ST6GALNAC3: variants seen among roughly 807,000 people sequenced by gnomAD.
ST6GALNAC3 encodes the protein alpha-N-acetylgalactosaminide alpha-2,6-sialyltransferase 3.
In ST6GALNAC3, 25 loss-of-function variants were observed where a neutral mutation model predicts 32.7. That is an observed-to-expected ratio of 0.76 (90% CI 0.56 to 1.07). The LOEUF (loss-of-function observed/expected upper bound fraction) is 1.07. Among genes scored for constraint, ST6GALNAC3 ranks in the 50% least tolerant of loss-of-function variants. The pLI is 0.00. For synonymous variants in ST6GALNAC3, 129 were observed against 133.1 expected, an observed-to-expected ratio of 0.97 and a Z score of 0.21; for missense variants, 355 against 382.4, an observed-to-expected ratio of 0.93 and a Z score of 0.60.
At chr1:76,485,808 G>A (rs901232708) in intron 3 of ST6GALNAC3, among the ~76,000 whole-genome samples, 2 of 152,080 alleles carry the variant, frequency 1.3e-5, no homozygotes, top group African/African-American at 4.8e-5. Flanking sequence ...TCTTTTAATT[G>A]TGATGTTAGG....
At chr1:76,579,519 T>C (rs1646861542) in intron 3 of ST6GALNAC3, among the ~76,000 whole-genome samples, 1 of 152,088 alleles carries the variant, frequency 6.6e-6, no homozygotes, top group African/African-American at 2.4e-5. Flanking sequence ...GCATCATACA[T>C]TTTTTAAGAA....
chr1:76,354,716 T>TA (rs1169533673), intron 2 of ST6GALNAC3, among the ~76,000 whole-genome samples: 4 of 152,208 alleles, frequency 2.6e-5, no homozygotes, highest in Non-Finnish European at 2.9e-5. Flanking sequence ...GATGATTAGT[T>TA]ATGCTTTGCC....
At chr1:76,377,921 T>C (rs1291516530) in intron 2 of ST6GALNAC3, among the ~76,000 whole-genome samples, 2 of 152,338 alleles carry the variant, frequency 1.3e-5, no homozygotes, top group Non-Finnish European at 2.9e-5. Flanking sequence ...GTTACAATGA[T>C]ATGGTGCCAT....
At chr1:76,101,388 G>A (rs1647221325) in intron 1 of ST6GALNAC3, among the ~76,000 whole-genome samples, 1 of 152,108 alleles carries the variant, frequency 6.6e-6, no homozygotes, top group African/African-American at 2.4e-5. Flanking sequence ...AGGTGTACCA[G>A]AATTTGCTTA....
chr1:76,123,488 C>T (rs1279291362), intron 1 of ST6GALNAC3, among the ~76,000 whole-genome samples: 1 of 151,876 alleles, frequency 6.6e-6, no homozygotes, highest in Non-Finnish European at 1.5e-5. Flanking sequence ...GGAAGCACAG[C>T]TGCCCAGAGA....
At chr1:76,218,551 A>G (rs936638626) in intron 1 of ST6GALNAC3, among the ~76,000 whole-genome samples, 6 of 152,244 alleles carry the variant, frequency 3.9e-5, no homozygotes, top group African/African-American at 1.4e-4. Context: ...ATTTTAAAAG[A>G]AAAGCTGTTC....
chr1:76,295,926 C>T (rs1570727629), intron 1 of ST6GALNAC3, among the ~76,000 whole-genome samples: 1 of 152,176 alleles, frequency 6.6e-6, no homozygotes, highest in East Asian at 1.9e-4. Context: ...GGAATTTCAC[C>T]TCCTGCTTTT....
At chr1:76,182,438 T>C (rs753944809) in intron 1 of ST6GALNAC3, among the ~76,000 whole-genome samples, 1 of 152,206 alleles carries the variant, frequency 6.6e-6, no homozygotes, top group African/African-American at 2.4e-5. Flanking sequence ...GTGCCATTCA[T>C]AAAACTTTTC....
chr1:76,298,832 G>A (rs976591484), intron 1 of ST6GALNAC3, among the ~76,000 whole-genome samples: 2 of 151,972 alleles, frequency 1.3e-5, no homozygotes, highest in Non-Finnish European at 2.9e-5. Context: ...CTTGCCACTT[G>A]CACATCCCAT....
At chr1:76,427,234 G>A (rs1050432758) in intron 3 of ST6GALNAC3, among the ~76,000 whole-genome samples, 41 of 152,112 alleles carry the variant, frequency 2.7e-4, no homozygotes, top group Admixed American at 2.2e-3. Flanking sequence ...CATTCATGGG[G>A]TCTTATGAAT....
intron 1 of ST6GALNAC3, among the ~76,000 whole-genome samples, chr1:76,148,950 C>T (rs1650868444): frequency 6.6e-6 from 1 of 152,216 alleles, no homozygotes; most frequent in Admixed American, 6.5e-5. Flanking sequence ...CCTATTTACT[C>T]ATTGTATAAC....
intron 1 of ST6GALNAC3, among the ~76,000 whole-genome samples, chr1:76,198,676 G>T (rs923682470): frequency 1.3e-5 from 2 of 152,110 alleles, no homozygotes; most frequent in African/African-American, 4.8e-5. Flanking sequence ...AGATAGTGGT[G>T]CTTTTCACTG....
chr1:76,215,115 A>G (rs1015832582), intron 1 of ST6GALNAC3, among the ~76,000 whole-genome samples: 2 of 152,186 alleles, frequency 1.3e-5, no homozygotes, highest in African/African-American at 4.8e-5. Context: ...GACTTCAGTA[A>G]GGATATACTG....
chr1:76,153,745 G>A (rs984120925), intron 1 of ST6GALNAC3, among the ~76,000 whole-genome samples: 3 of 152,032 alleles, frequency 2.0e-5, no homozygotes, highest in Admixed American at 6.5e-5. Context: ...TTATTTTTAT[G>A]TCCTAAGGAG....
rs72998532 is a variant in ST6GALNAC3, at chr1:76,239,553, G to C, written c.19-74252G>C. 7.2e-3 allele frequency among the ~76,000 whole-genome samples: 1,089 copies of C among 152,130 alleles called. 19 individuals are homozygous for C. The highest frequency in any genetic ancestry group is 0.025 in the African/African-American group (1,029 of 41,510). On this transcript the variant is annotated intron_variant, in intron 1 of 4. Coordinates refer to ENST00000328299, the MANE Select transcript of ST6GALNAC3 (RefSeq NM_152996.4). ...GTCACATGGTGAGAGAGGGAGCAAGGGGGGAAGGGAGAAGATGCCAGACTC... is the reference window on the plus strand; with the variant it reads ...GTCACATGGTGAGAGAGGGAGCAAGCGGGGAAGGGAGAAGATGCCAGACTC...
chr1:76,265,428 C>T (rs1570626181), intron 1 of ST6GALNAC3, among the ~76,000 whole-genome samples: 1 of 152,166 alleles, frequency 6.6e-6, no homozygotes, highest in East Asian at 1.9e-4. Flanking sequence ...AGAGCAAAAA[C>T]ATTGCATTTG....
At chr1:76,576,644 T>G (rs1646813171) in intron 3 of ST6GALNAC3, among the ~76,000 whole-genome samples, 1 of 152,024 alleles carries the variant, frequency 6.6e-6, no homozygotes, top group Non-Finnish European at 1.5e-5. Flanking sequence ...CTTGTAGACT[T>G]AGTTTCATAA....
intron 1 of ST6GALNAC3, among the ~76,000 whole-genome samples, chr1:76,104,619 T>TC (rs909992015): frequency 3.9e-5 from 6 of 151,924 alleles, no homozygotes; most frequent in African/African-American, 1.5e-4. Context: ...GCTTTTTTTT[T>TC]TTTTTTTAGA....
intron 1 of ST6GALNAC3, among the ~76,000 whole-genome samples, chr1:76,220,859 C>T (rs1655722313): frequency 6.6e-6 from 1 of 152,182 alleles, no homozygotes; most frequent in Non-Finnish European, 1.5e-5. Context: ...GTGACATTTG[C>T]ACTTTCAAAA....
Sources: gnomAD v4.1 joint callset for allele counts (sites outside exome capture counted in the v4.1 genomes callset) on GRCh38, gnomAD v4.1.1 for gene constraint, MANE v1.5 for transcripts, NCBI Gene and HGNC (gene_info 2026-07-23, HGNC 2026-07-21) for gene names.